The following CDH13 variants were observed in gnomAD, a reference collection of about 807,000 sequenced individuals.
CDH13 encodes cadherin-13.
A neutral mutation model predicts 63.8 loss-of-function variants in CDH13; 24 were observed. The ratio of observed to expected loss-of-function variants is 0.38; its 90% CI spans 0.27 to 0.53. The LOEUF is 0.53. Ranked by LOEUF, CDH13 falls within the 20% of genes least tolerant of loss-of-function variation. The probability of loss-of-function intolerance (pLI) is 0.85; values close to 1 mark genes in which losing one functional copy is unlikely to be tolerated. For missense variants in CDH13, 1,049 were observed against 903.1 expected (o/e 1.16, Z -2.07); for synonymous variants, 503 against 355.3 (o/e 1.42, Z -4.67).
chr16:83,176,061 G>A (rs867538540), intron 4 of CDH13, among the ~76,000 whole-genome samples: 57 of 150,096 alleles, frequency 3.8e-4, no homozygotes, highest in African/African-American at 1.3e-3. Context: ...TGTAGGTCAG[G>A]CTGGTCTTGA....
chr16:83,243,278 C>T (rs879214516), intron 5 of CDH13, among the ~76,000 whole-genome samples: 1 of 152,186 alleles, frequency 6.6e-6, no homozygotes, highest in East Asian at 1.9e-4. Flanking sequence ...AAGTTTAATG[C>T]ACTTACAGTT....
chr16:83,502,880 G>T (rs1309953528), intron 7 of CDH13, among the ~76,000 whole-genome samples: 2 of 152,214 alleles, frequency 1.3e-5, no homozygotes, highest in African/African-American at 2.4e-5. Context: ...TCCATCGACA[G>T]TGGGGTCTCC....
chr16:83,787,581 G>C lies in CDH13; in HGVS notation c.2134+4109G>C, dbSNP rs568136972. Among the ~76,000 whole-genome samples, 6 of 152,338 alleles carry C rather than the reference G, an allele frequency of 3.9e-5. No homozygotes were observed. The East Asian group carries it at 1.2e-3, about 29-fold the overall frequency. ...TCTACGTTTTCCACCAGCTTCTGGA[G>C]TGAGCGCCAGACAGACCACAAGCCC... On this transcript the variant is annotated intron_variant, in intron 13 of 13. Coordinates refer to ENST00000567109, the MANE Select transcript of CDH13 (RefSeq NM_001257.5).
intron 3 of CDH13, among the ~76,000 whole-genome samples, chr16:83,075,768 A>G (rs539954789): frequency 2.0e-5 from 3 of 152,226 alleles, no homozygotes; most frequent in Non-Finnish European, 2.9e-5. Flanking sequence ...CTTTGTGATC[A>G]GATTTCCCTG....
At chr16:83,164,831 G>T (rs55927625) in intron 4 of CDH13, among the ~76,000 whole-genome samples, 4 of 151,072 alleles carry the variant, frequency 2.6e-5, no homozygotes, top group Non-Finnish European at 5.9e-5. Context: ...CTAACAGTGT[G>T]TATATATATA....
At chr16:83,733,775 C>G (rs566942670) in intron 10 of CDH13, among the ~76,000 whole-genome samples, 1 of 152,174 alleles carries the variant, frequency 6.6e-6, no homozygotes, top group African/African-American at 2.4e-5. Flanking sequence ...TCCCAGTTTG[C>G]TCTCCCAGTG....
chr16:82,939,757 AT>A (rs1342042071), intron 2 of CDH13, among the ~76,000 whole-genome samples: 1 of 152,150 alleles, frequency 6.6e-6, no homozygotes. Context: ...GAATCTCTGG[AT>A]TTTTTAAACC....
At chr16:83,162,410 G>A (rs888735635) in intron 4 of CDH13, among the ~76,000 whole-genome samples, 2 of 152,132 alleles carry the variant, frequency 1.3e-5, no homozygotes, top group African/African-American at 4.8e-5. Context: ...ACATTTTACA[G>A]ATATTTACAC....
intron 5 of CDH13, among the ~76,000 whole-genome samples, chr16:83,269,415 A>C (rs555567794): frequency 1.3e-5 from 2 of 152,166 alleles, no homozygotes; most frequent in South Asian, 4.1e-4. Flanking sequence ...TTGATTATCT[A>C]AACTATCCCA....
chr16:83,674,711 A>G (rs1914807377), intron 9 of CDH13, among the ~76,000 whole-genome samples: 1 of 152,212 alleles, frequency 6.6e-6, no homozygotes, highest in African/African-American at 2.4e-5. Flanking sequence ...TGCCACTTAA[A>G]AGGACCAAAT....
chr16:82,802,683 G>T (rs2036925990), intron 1 of CDH13, among the ~76,000 whole-genome samples: 1 of 152,134 alleles, frequency 6.6e-6, no homozygotes, highest in South Asian at 2.1e-4. Flanking sequence ...GTACACTAAA[G>T]ACAGGAACAG....
intron 1 of CDH13, among the ~76,000 whole-genome samples, chr16:82,813,577 T>C (rs1010197298): frequency 2.6e-5 from 4 of 152,144 alleles, no homozygotes; most frequent in Admixed American, 6.5e-5. Context: ...AAAAAGGTAG[T>C]GTCTTCCCGG....
intron 2 of CDH13, among the ~76,000 whole-genome samples, chr16:82,902,466 G>A (rs1427917611): frequency 6.6e-6 from 1 of 151,404 alleles, no homozygotes; most frequent in Admixed American, 6.6e-5. Flanking sequence ...CAATTAAGAA[G>A]TCCTGTGATT....
At chr16:82,631,086 C>T (rs1279365888) in intron 1 of CDH13, among the ~76,000 whole-genome samples, 1 of 152,204 alleles carries the variant, frequency 6.6e-6, no homozygotes, top group Non-Finnish European at 1.5e-5. Flanking sequence ...TTCTTGCTTT[C>T]CTTCTTTTGC....
chr16:82,725,830 G>A (rs951535952), intron 1 of CDH13, among the ~76,000 whole-genome samples: 3 of 152,180 alleles, frequency 2.0e-5, no homozygotes, highest in Non-Finnish European at 4.4e-5. Context: ...TCAGGCAAGA[G>A]TGATTTTTAA....
chr16:82,747,955 T>C (rs1035676471), intron 1 of CDH13, among the ~76,000 whole-genome samples: 12 of 152,218 alleles, frequency 7.9e-5, no homozygotes, highest in Non-Finnish European at 1.6e-4. Flanking sequence ...TTTTAGATAG[T>C]TGATAATACC....
chr16:83,630,315 C>T (rs780011125), intron 8 of CDH13, among the ~76,000 whole-genome samples: 6 of 152,078 alleles, frequency 3.9e-5, no homozygotes, highest in Non-Finnish European at 5.9e-5. Context: ...CAATTTAGAA[C>T]GTTTATTTTG....
chr16:83,330,761 T>G (rs2090464572), intron 5 of CDH13, among the ~76,000 whole-genome samples: 1 of 152,150 alleles, frequency 6.6e-6, no homozygotes, highest in Admixed American at 6.5e-5. Context: ...CCCAAATCAC[T>G]CCTCATACGA....
At chr16:83,012,790 A>G (rs1157619752) in intron 2 of CDH13, among the ~76,000 whole-genome samples, 1 of 152,190 alleles carries the variant, frequency 6.6e-6, no homozygotes, top group African/African-American at 2.4e-5. Flanking sequence ...GCTTGTCCAT[A>G]TATTTAAAGA....
Sources: allele counts gnomAD v4.1 joint callset (sites outside exome capture counted in the v4.1 genomes callset), GRCh38; gene constraint gnomAD v4.1.1; transcripts MANE v1.5; gene names NCBI Gene and HGNC (gene_info 2026-07-23, HGNC 2026-07-21).